Variants in AKAP3 observed in about 807,000 individuals in gnomAD.
The protein encoded by AKAP3 is A-kinase anchor protein 3.
In AKAP3, 27 loss-of-function variants were observed where a neutral mutation model predicts 57.2. The observed-to-expected ratio is 0.47, with a 90% CI of 0.35 to 0.65. The LOEUF (loss-of-function observed/expected upper bound fraction) is 0.65. AKAP3 is among the 30% of genes least tolerant of loss of function. AKAP3 has a pLI of 0.01. For missense variants in AKAP3, 959 were observed against 1,040.0 expected, an observed-to-expected ratio of 0.92 and a Z score of 1.07; for synonymous variants, 334 against 392.3, an observed-to-expected ratio of 0.85 and a Z score of 1.76.
chr12:4,632,026 A>G (rs1373663004), intron 4 of AKAP3, among the ~76,000 whole-genome samples: 4 of 152,212 alleles, frequency 2.6e-5, no homozygotes, highest in Non-Finnish European at 4.4e-5. Context: ...TTCAACAGTT[A>G]TTATGTTTTA....
chr12:4,622,181 T>C (rs1945355160), intron 5 of AKAP3, among the ~76,000 whole-genome samples: 1 of 152,178 alleles, frequency 6.6e-6, no homozygotes, highest in African/African-American at 2.4e-5. Flanking sequence ...AAAGAGTCAA[T>C]ATTGTTAAAA....
intron 2 of AKAP3, among the ~76,000 whole-genome samples, chr12:4,644,049 T>C (rs1313528743): frequency 6.6e-6 from 1 of 152,232 alleles, no homozygotes; most frequent in African/African-American, 2.4e-5. Flanking sequence ...TGCTACATCG[T>C]AGAAGCTCAA....
At chr12:4,616,233 A>G (rs1945283784) in intron 5 of AKAP3, among the ~76,000 whole-genome samples, 1 of 152,200 alleles carries the variant, frequency 6.6e-6, no homozygotes, top group East Asian at 1.9e-4. Flanking sequence ...TCCATGCCCC[A>G]TAGACCACAG....
chr12:4,627,533 CCT>C lies in AKAP3; in HGVS notation c.1367_1368del (p.Glu456GlyfsTer7), dbSNP rs756349558. 22 of 1,614,076 alleles carry C rather than the reference CCT, an allele frequency of 1.4e-5. No individual in the cohort carries two copies. Among genetic ancestry groups the C allele is most frequent in the Non-Finnish European group, 1.8e-5 (21 of 1,179,986 alleles). ...TGAGTTTTATGCCACAAGGTAAGCC[CCT>C]CTTTGATAATGTGCTCACCCAGAGT... Reference protein sequence around the residue: ...AKTLGEHIIKEGLTLWHKTQQ... With the variant: ...AKTLGEHIIKXGLTLWHKTQQ... On this transcript the variant is annotated frameshift_variant, in exon 5 of 6. Coordinates refer to ENST00000228850, the MANE Select transcript of AKAP3 (RefSeq NM_001278309.2). LOFTEE classifies it high-confidence loss of function.
Position 4,627,893 on chromosome 12 carries a change from A to T in AKAP3, c.1009T>A (p.Phe337Ile). The T allele has an allele frequency of 6.2e-7, 1 of 1,614,132 alleles. No individual in the cohort carries two copies. Among genetic ancestry groups the T allele is most frequent in the Non-Finnish European group, 8.5e-7 (1 of 1,180,008 alleles). Residue 337 changes from phenylalanine to isoleucine, a missense_variant, in exon 5 of 6, where the codon TTC (phenylalanine) becomes ATC (isoleucine). By Grantham distance (21) the Phe-to-Ile change is conservative. Transcript: ENST00000228850. ...GTGACGCTGTGGAGATTCCTCAAGA[A>T]GGAGTCGATGAGATCCGAGACCACC... Reference protein sequence around the residue: ...KEVVSDLIDSFLRNLHSVTGT... With the variant: ...KEVVSDLIDSILRNLHSVTGT...
At chr12:4,619,609 T>C (rs1644069132) in intron 5 of AKAP3, among the ~76,000 whole-genome samples, 1 of 152,016 alleles carries the variant, frequency 6.6e-6, no homozygotes, top group Non-Finnish European at 1.5e-5. Context: ...GAAAATAAAT[T>C]AGATTTATTG....
chr12:4,619,161 A>T (rs1945318139), intron 5 of AKAP3, among the ~76,000 whole-genome samples: 2 of 152,358 alleles, frequency 1.3e-5, no homozygotes, highest in South Asian at 4.1e-4. Context: ...ATGAAAGAAT[A>T]ATATTGACCA....
At chr12:4,633,268 ATATTT>A (rs1945522113) in intron 4 of AKAP3, among the ~76,000 whole-genome samples, 2 of 151,982 alleles carry the variant, frequency 1.3e-5, no homozygotes, top group Admixed American at 1.3e-4. Context: ...TACAAAAAAT[ATATTT>A]TAAAAGATAA....
At chr12:4,622,965 CACAA>C (rs1337248619) in intron 5 of AKAP3, among the ~76,000 whole-genome samples, 4 of 152,186 alleles carry the variant, frequency 2.6e-5, no homozygotes, top group Middle Eastern at 3.4e-3. Context: ...GGGCAAAGGA[CACAA>C]ACAGACTCTT....
At chr12:4,643,661 A>C (rs988851446) in intron 2 of AKAP3, among the ~76,000 whole-genome samples, 8 of 152,206 alleles carry the variant, frequency 5.3e-5, no homozygotes, top group Non-Finnish European at 8.8e-5. Context: ...GAAGGATTGG[A>C]CTAAAATGTT....
chr12:4,646,568 A>T (rs1945701421), intron 1 of AKAP3, among the ~76,000 whole-genome samples: 1 of 152,010 alleles, frequency 6.6e-6, no homozygotes, highest in African/African-American at 2.4e-5. Flanking sequence ...GCTACTCGGG[A>T]GACTGAGGCA....
At chr12:4,637,563 G>A (rs80022811) in intron 4 of AKAP3, among the ~76,000 whole-genome samples, 2,652 of 152,230 alleles carry the variant, frequency 0.017, 81 homozygotes, top group South Asian at 0.11. Context: ...ATTTTTAAAT[G>A]TTAAGTTACT....
intron 3 of AKAP3, among the ~76,000 whole-genome samples, chr12:4,640,537 A>C (rs1372126008): frequency 6.6e-6 from 1 of 152,228 alleles, no homozygotes; most frequent in Non-Finnish European, 1.5e-5. Flanking sequence ...AGAAAGATTA[A>C]ATACATCATT....
rs140648530 is a variant in AKAP3, at chr12:4,628,765, C to A, written c.137G>T (p.Arg46Leu). ...TGCTGTACTCTTCTCCAGGTCTCTG[C>A]GGAGCCAGCTGAGCACTCTGACAGG... ...TDPVRVLSWL[R>L]RDLEKSTAEF... is the part of the protein sequence containing the mutation. The change falls in exon 5 of 6, where the codon CGC becomes CTC. Residue 46 changes from arginine to leucine, a missense_variant. Transcript: ENST00000228850. 65 of 1,613,004 alleles carry A rather than the reference C, an allele frequency of 4.0e-5. No individual in the cohort carries two copies. The highest frequency in any genetic ancestry group is 5.3e-5 in the Non-Finnish European group (63 of 1,179,214).
At position 4,627,380 on chromosome 12, in the gene AKAP3, A is replaced by G. The variant is rs2137432818; in HGVS notation, c.1522T>C (p.Tyr508His). 6.2e-7 allele frequency: 1 copy of G among 1,614,090 alleles called. No homozygotes were observed. Among genetic ancestry groups the G allele is most frequent in the East Asian group, 2.2e-5 (1 of 44,864 alleles). ...AAATTCTCAGGTTTCTCTGGAGGAT[A>G]TGGAGGAAGGCTGAGGTTGCCAATA... Reference protein sequence around the residue: ...EDIGNLSLPPYPPEKPENFMY... With the variant: ...EDIGNLSLPPHPPEKPENFMY... Residue 508 changes from tyrosine to histidine, a missense_variant, in exon 5 of 6, where the codon TAT becomes CAT. Transcript: ENST00000228850.
chr12:4,644,323 G>A (rs1169106633), intron 2 of AKAP3, among the ~76,000 whole-genome samples: 2 of 152,184 alleles, frequency 1.3e-5, no homozygotes, highest in African/African-American at 2.4e-5. Context: ...AAAAGTGTAT[G>A]AGAATTGGAC....
At position 4,624,822 on chromosome 12, in the gene AKAP3, G is replaced by GTGTGTGTGTGTGTGTGTA. The variant is rs1467904888; in HGVS notation, c.2406+1673_2406+1674insTACACACACACACACACA. 7.2e-3 allele frequency among the ~76,000 whole-genome samples: 1,054 copies of GTGTGTGTGTGTGTGTGTA among 147,408 alleles called. 10 individuals are homozygous for GTGTGTGTGTGTGTGTGTA. Among genetic ancestry groups the GTGTGTGTGTGTGTGTGTA allele is most frequent in the African/African-American group, 0.026 (991 of 38,316 alleles). Reference sequence around the variant, plus strand: ...AGAGTAGACAAAGGTGTGTGTGTGTGTGTATATAAAAGTGGGGGACTGCAA... The same window carrying GTGTGTGTGTGTGTGTGTA: ...AGAGTAGACAAAGGTGTGTGTGTGTGTGTGTGTGTGTGTGTGTATGTATATAAAAGTGGGGGACTGCAA... On this transcript the variant is annotated intron_variant, in intron 5 of 5. Coordinates refer to ENST00000228850, the MANE Select transcript of AKAP3 (RefSeq NM_001278309.2).
intron 4 of AKAP3, among the ~76,000 whole-genome samples, chr12:4,629,489 T>G (rs541034989): frequency 2.6e-4 from 40 of 151,788 alleles, no homozygotes; most frequent in African/African-American, 8.9e-4. Flanking sequence ...AGAGTGGAGG[T>G]AGGGAGGAGG....
chr12:4,632,385 C>A (rs1244021285), intron 4 of AKAP3, among the ~76,000 whole-genome samples: 2 of 152,104 alleles, frequency 1.3e-5, no homozygotes, highest in African/African-American at 4.8e-5. Flanking sequence ...ATTATATACC[C>A]CTCACCCTAG....
Sources: allele counts gnomAD v4.1 joint callset (sites outside exome capture counted in the v4.1 genomes callset), GRCh38; gene constraint gnomAD v4.1.1; transcripts MANE v1.5; gene names NCBI Gene and HGNC (gene_info 2026-07-23, HGNC 2026-07-21).